GLIS3: variants seen among roughly 807,000 people sequenced by gnomAD.
GLIS3 encodes the protein GLIS family zinc finger 3.
Under a neutral mutation model 78.6 loss-of-function variants are expected in GLIS3, and 53 were observed. The observed-to-expected ratio is 0.67, with a 90% confidence interval of 0.54 to 0.85. The LOEUF (loss-of-function observed/expected upper bound fraction) is 0.85. Ranked by LOEUF, GLIS3 falls within the 40% of genes least tolerant of loss-of-function variation. GLIS3 has a pLI of 0.00. For synonymous variants in GLIS3, 684 were observed against 509.9 expected (o/e 1.34, Z -4.60); for missense variants, 1,703 against 1,231.1 (o/e 1.38, Z -5.74).
intron 4 of GLIS3, among the ~76,000 whole-genome samples, chr9:4,025,384 A>C (rs138542022): frequency 6.6e-6 from 1 of 151,960 alleles, no homozygotes; most frequent in Non-Finnish European, 1.5e-5. Context: ...TGGTTGGTTT[A>C]TTTGTTTGCT....
In GLIS3 at chr9:4,157,573, T is replaced by C. The variant is rs150415258; in HGVS notation, c.389-31632A>G. Reference sequence around the variant, plus strand: ...TACATAGAGGCTTAAATCAAGTATGTGGAAATAATATGTTATTATTACTAG... The same window carrying C: ...TACATAGAGGCTTAAATCAAGTATGCGGAAATAATATGTTATTATTACTAG... On this transcript the variant is annotated intron_variant, in intron 2 of 10. Transcript: ENST00000381971. Among the ~76,000 whole-genome samples the C allele has an allele frequency of 2.0e-4, 30 of 152,334 alleles. No homozygotes were observed. In the East Asian group the frequency reaches 5.8e-3, roughly 29 times the overall value.
At chr9:3,920,105 A>G (rs979848156) in intron 6 of GLIS3, among the ~76,000 whole-genome samples, 39 of 146,996 alleles carry the variant, frequency 2.7e-4, no homozygotes, top group East Asian at 4.1e-4. Flanking sequence ...CTGGGTTCAC[A>G]CCATTCTCCC....
At position 3,955,046 on chromosome 9, in the gene GLIS3, C is replaced by T. The variant is rs189610831; in HGVS notation, c.1711-17857G>A. Among the ~76,000 whole-genome samples, 30 of 152,246 alleles carry T rather than the reference C, an allele frequency of 2.0e-4. No homozygotes were observed. The East Asian group carries it at 5.0e-3, about 25-fold the overall frequency. ...AGTTCTGCAAAAGCAAGGGAATTCA[C>T]GACGTAGAGGGGACAAGGGGACAGG... On this transcript the variant is annotated intron_variant, in intron 4 of 10. Transcript: ENST00000381971.
At chr9:4,446,110 G>C in the GLIS3 span, among the ~76,000 whole-genome samples, 1 of 152,192 alleles carries the variant, frequency 6.6e-6, no homozygotes, top group African/African-American at 2.4e-5. Flanking sequence ...TGGTTTACCA[G>C]GCTGTGATCT....
chr9:4,472,859 G>C, the GLIS3 span, among the ~76,000 whole-genome samples: 4 of 152,110 alleles, frequency 2.6e-5, no homozygotes, highest in East Asian at 7.7e-4. Context: ...AACTTAGCAA[G>C]ATTGCAGATC....
At chr9:4,457,466 T>A in the GLIS3 span, among the ~76,000 whole-genome samples, 1 of 152,106 alleles carries the variant, frequency 6.6e-6, no homozygotes, top group Admixed American at 6.5e-5. Context: ...TAGCTGAACA[T>A]CTTTCACTCT....
In GLIS3 at chr9:4,117,810, G is replaced by C. The variant is rs767781838; in HGVS notation, c.1668C>G (p.Ile556Met). ...KPFNARYKLL[I>M]HMRVHSGEKP... ...TCTCCCCAGAGTGGACTCTCATGTG[G>C]ATCAGCAGTTTATAGCGGGCGTTGA... The change falls in exon 4 of 11, where the codon ATC (isoleucine) becomes ATG (methionine). Residue 556 changes from isoleucine (I) to methionine (M), a missense_variant. By Grantham distance (10) the Ile-to-Met change is conservative. Coordinates refer to ENST00000381971, the MANE Select transcript of GLIS3 (RefSeq NM_001042413.2). 2.7e-5 allele frequency: 44 copies of C among 1,614,054 alleles called. No individual in the cohort carries two copies. The highest frequency in any genetic ancestry group is 5.0e-5 in the Admixed American group (3 of 60,006).
At chr9:4,164,297 T>G (rs1405501422) in intron 2 of GLIS3, among the ~76,000 whole-genome samples, 1 of 152,238 alleles carries the variant, frequency 6.6e-6, no homozygotes, top group African/African-American at 2.4e-5. Flanking sequence ...AAATCAGCAT[T>G]GTCCTCCCAT....
At chr9:4,292,868 T>C (rs956631805) in intron 1 of GLIS3, among the ~76,000 whole-genome samples, 4 of 152,212 alleles carry the variant, frequency 2.6e-5, no homozygotes, top group Admixed American at 6.5e-5. Flanking sequence ...TAATATGAGT[T>C]AGCCATCAGA....
intron 8 of GLIS3, among the ~76,000 whole-genome samples, chr9:3,869,710 C>T (rs1435458256): frequency 6.6e-6 from 1 of 152,260 alleles, no homozygotes. Context: ...TGGTCTTTTA[C>T]CTTTCTCAAA....
intron 2 of GLIS3, among the ~76,000 whole-genome samples, chr9:4,327,762 G>C (rs1238605327): frequency 6.6e-6 from 1 of 152,212 alleles, no homozygotes; most frequent in Non-Finnish European, 1.5e-5. Flanking sequence ...TGTGGCATGA[G>C]CAGTAGCACA....
chr9:4,148,556 C>T (rs1045704068), intron 2 of GLIS3, among the ~76,000 whole-genome samples: 9 of 152,170 alleles, frequency 5.9e-5, no homozygotes, highest in African/African-American at 1.7e-4. Flanking sequence ...CTATATCTCA[C>T]CTTTCCCCCT....
At chr9:4,236,197 A>AAAAAG (rs1288930132) in intron 2 of GLIS3, among the ~76,000 whole-genome samples, 4 of 147,484 alleles carry the variant, frequency 2.7e-5, no homozygotes, top group African/African-American at 1.0e-4. Flanking sequence ...AAAAAAAAAA[A>AAAAAG]AAAAAAAAAA....
the GLIS3 span, among the ~76,000 whole-genome samples, chr9:4,402,537 A>C: frequency 3.1e-4 from 47 of 152,356 alleles, no homozygotes; most frequent in Admixed American, 2.0e-3. Flanking sequence ...AGAGAATTCA[A>C]AACACCTATT....
chr9:4,355,507 CA>C, the GLIS3 span, among the ~76,000 whole-genome samples: 2 of 152,082 alleles, frequency 1.3e-5, no homozygotes, highest in East Asian at 3.9e-4. Flanking sequence ...ATAGCTAGCT[CA>C]AAATCAGGTA....
intron 7 of GLIS3, among the ~76,000 whole-genome samples, chr9:3,881,172 T>G (rs1821705556): frequency 6.6e-6 from 1 of 152,200 alleles, no homozygotes; most frequent in African/African-American, 2.4e-5. Flanking sequence ...GGCAATAGTT[T>G]CAAAACTGGT....
chr9:4,395,391 G>A, the GLIS3 span, among the ~76,000 whole-genome samples: 1 of 152,148 alleles, frequency 6.6e-6, no homozygotes, highest in Non-Finnish European at 1.5e-5. Context: ...GTGTTTTAGT[G>A]TGAACGTTTG....
chr9:3,998,308 T>A (rs191773866), intron 4 of GLIS3, among the ~76,000 whole-genome samples: 1 of 152,158 alleles, frequency 6.6e-6, no homozygotes, highest in Non-Finnish European at 1.5e-5. Flanking sequence ...TGAGGTGTCA[T>A]TCTCCAGACG....
intron 2 of GLIS3, among the ~76,000 whole-genome samples, chr9:4,223,009 TTAGG>T (rs781755224): frequency 1.6e-4 from 25 of 152,154 alleles, no homozygotes; most frequent in Non-Finnish European, 2.9e-4. Context: ...ACAGCACTCC[TTAGG>T]TAGGCTGGGA....
Sources: allele counts gnomAD v4.1 joint callset (sites outside exome capture counted in the v4.1 genomes callset), GRCh38; gene constraint gnomAD v4.1.1; transcripts MANE v1.5; gene names NCBI Gene and HGNC (gene_info 2026-07-23, HGNC 2026-07-21).